Variants in KIAA1217 observed in about 807,000 individuals in gnomAD.
The protein encoded by KIAA1217 is sickle tail protein homolog.
In KIAA1217, 88 loss-of-function variants were observed where a neutral mutation model predicts 163.9. The ratio of observed to expected loss-of-function variants is 0.54; its 90% confidence interval spans 0.45 to 0.64. The LOEUF (loss-of-function observed/expected upper bound fraction) is 0.64, where lower values mean the gene tolerates loss of function less well. KIAA1217 is among the 30% of genes least tolerant of loss of function. The pLI is 0.00. For missense variants in KIAA1217, 2,372 were observed against 2,475.0 expected, an observed-to-expected ratio of 0.96 and a Z score of 0.88; for synonymous variants, 903 against 923.1, an observed-to-expected ratio of 0.98 and a Z score of 0.39.
intron 1 of KIAA1217, among the ~76,000 whole-genome samples, chr10:23,788,015 G>A (rs1004721624): frequency 2.6e-5 from 4 of 151,908 alleles, no homozygotes; most frequent in African/African-American, 4.8e-5. Flanking sequence ...GCAACAAAGC[G>A]ACACCCTATC....
In KIAA1217 at chr10:23,806,547, T is replaced by C. The variant is rs79375076; in HGVS notation, c.-321+111313T>C. On this transcript the variant is annotated intron_variant, in intron 1 of 18. Coordinates refer to the KIAA1217 transcript ENST00000376462. ...GGATACCATTTTGCATTCTCATGAA[T>C]TATGCTGTGAAAAAAAATTCTCAAA... 8.0e-4 allele frequency among the ~76,000 whole-genome samples: 122 copies of C among 152,316 alleles called. 2 individuals are homozygous for C. The East Asian group carries it at 0.02, about 25-fold the overall frequency.
chr10:24,435,471 G>A (rs1306553038), intron 4 of KIAA1217, among the ~76,000 whole-genome samples: 3 of 152,220 alleles, frequency 2.0e-5, no homozygotes, highest in African/African-American at 7.2e-5. Context: ...TGCAATTAGA[G>A]GAATTGAAGG....
intron 2 of KIAA1217, among the ~76,000 whole-genome samples, chr10:24,306,465 G>A (rs980021770): frequency 6.6e-6 from 1 of 152,100 alleles, no homozygotes; most frequent in East Asian, 1.9e-4. Context: ...ACAATATCAC[G>A]GAACAATGAG....
intron 2 of KIAA1217, among the ~76,000 whole-genome samples, chr10:24,281,550 T>A (rs996590357): frequency 6.6e-6 from 1 of 152,202 alleles, no homozygotes; most frequent in African/African-American, 2.4e-5. Context: ...GTAAGATCTG[T>A]TCCTTAGGCT....
chr10:23,983,830 T>C (rs1845865708), intron 1 of KIAA1217, among the ~76,000 whole-genome samples: 1 of 152,232 alleles, frequency 6.6e-6, no homozygotes, highest in Non-Finnish European at 1.5e-5. Flanking sequence ...ATCCAAGTCC[T>C]GAATCTCATG....
intron 1 of KIAA1217, among the ~76,000 whole-genome samples, chr10:23,793,111 G>T (rs1031011811): frequency 1.3e-5 from 2 of 152,078 alleles, no homozygotes; most frequent in African/African-American, 4.8e-5. Flanking sequence ...CAGAAGAAAT[G>T]AGTGACGATT....
chr10:24,234,386 G>T (rs572272473), intron 2 of KIAA1217, among the ~76,000 whole-genome samples: 4 of 151,922 alleles, frequency 2.6e-5, no homozygotes, highest in Non-Finnish European at 5.9e-5. Context: ...TATATCGGCC[G>T]GGTGCGGTGG....
chr10:23,833,615 T>C (rs1838316408), intron 1 of KIAA1217, among the ~76,000 whole-genome samples: 1 of 152,158 alleles, frequency 6.6e-6, no homozygotes, highest in African/African-American at 2.4e-5. Flanking sequence ...ATAGTCTCTC[T>C]TTCATCTTCA....
rs555567780 is a variant in KIAA1217, at chr10:24,421,969, T to C, written c.554-11026T>C. Among the ~76,000 whole-genome samples the C allele has an allele frequency of 3.9e-5, 6 of 152,324 alleles. 1 individual carries two copies. Among genetic ancestry groups the C allele is most frequent in the Admixed American group, 1.3e-4 (2 of 15,294 alleles). ...TAATAAAGACATACCTGAGACTGGG[T>C]AATTGATCAAGAAAAGAAGTTTAAT... On this transcript the variant is annotated intron_variant, in intron 3 of 20. Coordinates refer to ENST00000376454, the MANE Select transcript of KIAA1217 (RefSeq NM_019590.5).
At chr10:24,012,527 G>T (rs1400631511) in intron 2 of KIAA1217, among the ~76,000 whole-genome samples, 1 of 152,164 alleles carries the variant, frequency 6.6e-6, no homozygotes, top group Non-Finnish European at 1.5e-5. Flanking sequence ...GAAAACTAGG[G>T]TGTCTGATTA....
At chr10:24,058,929 T>C (rs140150512) in intron 2 of KIAA1217, among the ~76,000 whole-genome samples, 12 of 152,300 alleles carry the variant, frequency 7.9e-5, no homozygotes, top group African/African-American at 2.6e-4. Flanking sequence ...TGAATAGAAG[T>C]AGTAAGAGTG....
intron 2 of KIAA1217, among the ~76,000 whole-genome samples, chr10:24,222,369 C>G (rs936215719): frequency 1.3e-5 from 2 of 152,170 alleles, no homozygotes; most frequent in African/African-American, 4.8e-5. Flanking sequence ...TCTATGTATA[C>G]ATTTTTATTC....
intron 2 of KIAA1217, among the ~76,000 whole-genome samples, chr10:24,178,985 GA>G (rs1311270527): frequency 1.3e-5 from 2 of 151,996 alleles, no homozygotes; most frequent in East Asian, 3.8e-4. Flanking sequence ...TGTAGGGGAG[GA>G]AAAAAATAAC....
chr10:24,296,220 C>A (rs2040589544), intron 2 of KIAA1217, among the ~76,000 whole-genome samples: 1 of 152,182 alleles, frequency 6.6e-6, no homozygotes, highest in African/African-American at 2.4e-5. Context: ...CTTCTCCCCT[C>A]AGCCTCCTGA....
chr10:24,118,217 C>A (rs1430567116), intron 2 of KIAA1217, among the ~76,000 whole-genome samples: 2 of 151,476 alleles, frequency 1.3e-5, no homozygotes, highest in African/African-American at 4.9e-5. Context: ...AACGTCCTTA[C>A]GTGCATTTCT....
At chr10:23,807,699 A>G (rs1323223331) in intron 1 of KIAA1217, among the ~76,000 whole-genome samples, 1 of 152,256 alleles carries the variant, frequency 6.6e-6, no homozygotes, top group Non-Finnish European at 1.5e-5. Context: ...AGCCACATCA[A>G]AAAAGTATAA....
At chr10:24,459,651 G>A (rs2062159959) in intron 5 of KIAA1217, among the ~76,000 whole-genome samples, 1 of 152,138 alleles carries the variant, frequency 6.6e-6, no homozygotes, top group South Asian at 2.1e-4. Context: ...GACCAGGCGT[G>A]ATGGTTGACG....
At chr10:23,913,914 T>C (rs1188095232) in intron 1 of KIAA1217, among the ~76,000 whole-genome samples, 2 of 152,146 alleles carry the variant, frequency 1.3e-5, no homozygotes, top group African/African-American at 4.8e-5. Context: ...GCTGTTCTTA[T>C]TCATTCAGCT....
intron 1 of KIAA1217, among the ~76,000 whole-genome samples, chr10:23,931,002 G>A (rs896384964): frequency 4.6e-5 from 7 of 152,096 alleles, no homozygotes; most frequent in South Asian, 2.1e-4. Flanking sequence ...TAAGTCTGGT[G>A]GAACTATCAT....
Sources: gnomAD v4.1 joint callset for allele counts (sites outside exome capture counted in the v4.1 genomes callset) on GRCh38, gnomAD v4.1.1 for gene constraint, MANE v1.5 for transcripts, NCBI Gene and HGNC (gene_info 2026-07-23, HGNC 2026-07-21) for gene names.